NLGN1: variants seen among roughly 807,000 people sequenced by gnomAD.
NLGN1 encodes the protein neuroligin-1.
A neutral mutation model predicts 65.5 loss-of-function variants in NLGN1; 12 were observed. The observed-to-expected ratio is 0.18, with a 90% CI of 0.12 to 0.30. NLGN1 has a LOEUF of 0.30. Ranked by LOEUF, NLGN1 falls within the 10% of genes least tolerant of loss-of-function variation. NLGN1 has a pLI of 1.00. For missense variants in NLGN1, 750 were observed against 1,007.1 expected, an observed-to-expected ratio of 0.74 and a Z score of 3.46; for synonymous variants, 350 against 359.5, an observed-to-expected ratio of 0.97 and a Z score of 0.30.
In NLGN1 at chr3:174,056,918, A is replaced by AT. The variant is rs141808159; in HGVS notation, c.647-218389dup. 7.4e-3 allele frequency among the ~76,000 whole-genome samples: 1,123 copies of AT among 151,262 alleles called. 14 individuals carry two copies. Among genetic ancestry groups the AT allele is most frequent in the African/African-American group, 0.025 (1,042 of 41,230 alleles). Reference sequence around the variant, plus strand: ...TCTAACTTTTAAGCCATATATATATATTTTTTTTCATTTTTCTACATTATG... The same window carrying AT: ...TCTAACTTTTAAGCCATATATATATATTTTTTTTTCATTTTTCTACATTATG... On this transcript the variant is annotated intron_variant, in intron 4 of 6. Transcript: ENST00000457714.
chr3:173,487,639 T>G (rs755242345), intron 2 of NLGN1, among the ~76,000 whole-genome samples: 15 of 152,070 alleles, frequency 9.9e-5, no homozygotes, highest in Non-Finnish European at 2.2e-4. Flanking sequence ...TGCAACAATA[T>G]TGTTAAGGAA....
chr3:173,588,780 C>A (rs1254479228), intron 2 of NLGN1, among the ~76,000 whole-genome samples: 1 of 152,116 alleles, frequency 6.6e-6, no homozygotes, highest in Admixed American at 6.6e-5. Flanking sequence ...ACCTTATGGG[C>A]CTTGCAGGCA....
intron 3 of NLGN1, among the ~76,000 whole-genome samples, chr3:173,700,938 A>C (rs1331854920): frequency 6.6e-6 from 1 of 152,176 alleles, no homozygotes; most frequent in Non-Finnish European, 1.5e-5. Context: ...ATCCTGGCTA[A>C]CACGGTGAAA....
At chr3:174,160,062 T>A in intron 4 of NLGN1, among the ~76,000 whole-genome samples, 1 of 151,704 alleles carries the variant, frequency 6.6e-6, no homozygotes, top group East Asian at 1.9e-4. Flanking sequence ...CTTTTCCTTT[T>A]ATTCATCTCT....
chr3:173,552,811 G>T (rs1741094330), intron 2 of NLGN1, among the ~76,000 whole-genome samples: 1 of 152,142 alleles, frequency 6.6e-6, no homozygotes, highest in Non-Finnish European at 1.5e-5. Flanking sequence ...GTTTATACAT[G>T]TGTGGTACTG....
At chr3:174,233,555 A>C (rs1320847126) in intron 4 of NLGN1, among the ~76,000 whole-genome samples, 2 of 151,966 alleles carry the variant, frequency 1.3e-5, no homozygotes, top group African/African-American at 4.8e-5. Context: ...CCTCTTGAAC[A>C]GACAAGAATG....
At chr3:173,524,290 A>G (rs1332878885) in intron 2 of NLGN1, among the ~76,000 whole-genome samples, 4 of 152,012 alleles carry the variant, frequency 2.6e-5, no homozygotes, top group Non-Finnish European at 5.9e-5. Flanking sequence ...CTCCTTGGTT[A>G]GCTATATTCC....
At chr3:174,015,218 G>T (rs568726707) in intron 4 of NLGN1, among the ~76,000 whole-genome samples, 1 of 152,266 alleles carries the variant, frequency 6.6e-6, no homozygotes, top group African/African-American at 2.4e-5. Context: ...CTATTATCAA[G>T]TTATGTGCTA....
chr3:173,626,789 C>T (rs1754887770), intron 3 of NLGN1, among the ~76,000 whole-genome samples: 1 of 151,998 alleles, frequency 6.6e-6, no homozygotes, highest in Non-Finnish European at 1.5e-5. Context: ...ACTTGTCACA[C>T]CTTTTCTTCG....
At chr3:174,088,810 CTA>C (rs1181128488) in intron 4 of NLGN1, among the ~76,000 whole-genome samples, 1 of 143,902 alleles carries the variant, frequency 6.9e-6, no homozygotes, top group Non-Finnish European at 1.5e-5. Context: ...ATAAATAAAA[CTA>C]GATTATTTTT....
At chr3:173,700,144 G>C (rs762159374) in intron 3 of NLGN1, among the ~76,000 whole-genome samples, 9 of 152,140 alleles carry the variant, frequency 5.9e-5, no homozygotes, top group Non-Finnish European at 1.3e-4. Flanking sequence ...AAAACCACAG[G>C]CTCCTGGGAA....
At chr3:173,561,404 C>T (rs1742705129) in intron 2 of NLGN1, among the ~76,000 whole-genome samples, 1 of 152,102 alleles carries the variant, frequency 6.6e-6, no homozygotes. Context: ...TTCCAAATCT[C>T]GTAGCTTCCT....
At chr3:173,402,385 T>A (rs764610290) in intron 1 of NLGN1, among the ~76,000 whole-genome samples, 2 of 152,216 alleles carry the variant, frequency 1.3e-5, no homozygotes, top group African/African-American at 4.8e-5. Context: ...TGTAAGTTCG[T>A]TGAATGCAAA....
chr3:174,015,911 AAAAT>A (rs1211798394), intron 4 of NLGN1, among the ~76,000 whole-genome samples: 1 of 152,198 alleles, frequency 6.6e-6, no homozygotes, highest in Non-Finnish European at 1.5e-5. Flanking sequence ...AGAAAAGAGT[AAAAT>A]AAAAGGTGGC....
chr3:173,788,129 A>G (rs1711622089), intron 3 of NLGN1, among the ~76,000 whole-genome samples: 1 of 151,474 alleles, frequency 6.6e-6, no homozygotes. Context: ...CAATGGAAAT[A>G]AAGAGTTCTG....
intron 4 of NLGN1, among the ~76,000 whole-genome samples, chr3:174,044,218 A>T (rs1415315001): frequency 6.6e-6 from 1 of 152,144 alleles, no homozygotes; most frequent in East Asian, 1.9e-4. Flanking sequence ...TTGTGATGCT[A>T]AGGGCTGCTG....
chr3:173,447,557 T>C (rs1577515366), intron 2 of NLGN1, among the ~76,000 whole-genome samples: 1 of 152,212 alleles, frequency 6.6e-6, no homozygotes, highest in Admixed American at 6.5e-5. Context: ...GGCTCTTTTT[T>C]GGTCCCATAT....
intron 4 of NLGN1, among the ~76,000 whole-genome samples, chr3:173,881,288 G>A (rs369284683): frequency 6.6e-5 from 10 of 151,432 alleles, no homozygotes; most frequent in African/African-American, 2.2e-4. Flanking sequence ...TGCTAGAGAC[G>A]AGGGTTCACC....
Position 173,501,186 on chromosome 3 carries a change from C to T in NLGN1, c.-321+66108C>T, listed in dbSNP as rs575813524. Among the ~76,000 whole-genome samples, 10 of 152,112 alleles carry T rather than the reference C, an allele frequency of 6.6e-5. No homozygotes were observed. The South Asian group carries it at 1.0e-3, about 16-fold the overall frequency. On this transcript the variant is annotated intron_variant, in intron 2 of 6. Transcript: ENST00000457714. The stretch of plus-strand genomic sequence containing the variant: ...TACTTAGTGCCATGGTGGTTTGCTG[C>T]GCCTATCAACCCATCATCTAGGTAT...
Sources: allele counts gnomAD v4.1 joint callset (sites outside exome capture counted in the v4.1 genomes callset), GRCh38; gene constraint gnomAD v4.1.1; transcripts MANE v1.5; gene names NCBI Gene and HGNC (gene_info 2026-07-23, HGNC 2026-07-21).